Variants in ADAMTS9 observed in about 807,000 individuals in gnomAD.
ADAMTS9 encodes the protein A disintegrin and metalloproteinase with thrombospondin motifs 9.
Under a neutral mutation model 257.1 loss-of-function variants are expected in ADAMTS9, and 107 were observed. That is an observed-to-expected ratio of 0.42 (90% CI 0.36 to 0.49). The LOEUF is 0.49. ADAMTS9 is among the 20% of genes least tolerant of loss of function. ADAMTS9 has a pLI of 0.03. For synonymous variants in ADAMTS9, 982 were observed against 880.9 expected (o/e 1.11, Z -2.03); for missense variants, 2,353 against 2,469.1 (o/e 0.95, Z 1.00).
At chr3:64,522,917 C>T (rs1383431632) in intron 38 of ADAMTS9, among the ~76,000 whole-genome samples, 3 of 152,060 alleles carry the variant, frequency 2.0e-5, no homozygotes, top group African/African-American at 7.2e-5. Context: ...TGAAATGACA[C>T]TATAGCTGTG....
chr3:64,625,285 T>A (rs764609843), intron 16 of ADAMTS9, among the ~76,000 whole-genome samples: 9 of 152,168 alleles, frequency 5.9e-5, no homozygotes, highest in Non-Finnish European at 1.3e-4. Context: ...ACAAGATGTC[T>A]TAGGTATTAG....
At chr3:64,607,172 C>T (rs2084570804) in intron 22 of ADAMTS9, 93 bp from the exon 23 acceptor site, 1 of 1,542,026 alleles carries the variant, frequency 6.5e-7, no homozygotes, top group Non-Finnish European at 8.8e-7. Flanking sequence ...GAAATACTTC[C>T]ATCACAGTAG....
intron 26 of ADAMTS9, among the ~76,000 whole-genome samples, chr3:64,598,477 C>G (rs1233980114): frequency 1.3e-5 from 2 of 151,822 alleles, no homozygotes; most frequent in Non-Finnish European, 2.9e-5. Context: ...ACTACCACAC[C>G]TGGGTAAATT....
rs35667547 is a variant in ADAMTS9, at chr3:64,561,801, G to C, written c.4525-50C>G. The C allele has an allele frequency of 0.18, 169,218 of 923,452 alleles. 12,923 individuals are homozygous for C. The highest frequency in any genetic ancestry group is 0.23 in the Non-Finnish European group (138,636 of 598,872). The allele number at this position is 923,452 out of a possible 1,614,324, so 57.2% of individuals were successfully genotyped here. A position where few individuals can be genotyped will look rare whatever the true frequency, so the allele number is the denominator to read the frequency against. Reference sequence around the variant, plus strand: ...GGAGCTTCGGCTCATTTATTTTTTGGGGGGGCGGGGGGTGTCGAGGGTCAC... The same window carrying C: ...GGAGCTTCGGCTCATTTATTTTTTGCGGGGGCGGGGGGTGTCGAGGGTCAC... On this transcript the variant is annotated intron_variant, in intron 29 of 39. Transcript: ENST00000498707.
chr3:64,678,946 C>T (rs779975107), intron 3 of ADAMTS9, among the ~76,000 whole-genome samples: 5 of 152,100 alleles, frequency 3.3e-5, no homozygotes, highest in African/African-American at 4.8e-5. Flanking sequence ...GATGAAGGAA[C>T]GGCATGCCAT....
chr3:64,545,817 C>T (rs1174035263), intron 32 of ADAMTS9, among the ~76,000 whole-genome samples: 2 of 152,138 alleles, frequency 1.3e-5, no homozygotes, highest in African/African-American at 2.4e-5. Flanking sequence ...AGGCTGGTCT[C>T]GATCTGCTGA....
At chr3:64,589,204 A>C (rs1180696549) in intron 28 of ADAMTS9, 2 of 152,184 alleles carry the variant, frequency 1.3e-5, no homozygotes, top group Admixed American at 6.6e-5. Context: ...AGTTGTTTGA[A>C]GCTTTTGTAA....
At position 64,681,279 on chromosome 3, in the gene ADAMTS9, T is replaced by A. The variant is rs745487784; in HGVS notation, c.601A>T (p.Asn201Tyr). The change falls in exon 3 of 40, where the codon AAC (asparagine) becomes TAC (tyrosine). Residue 201 changes from asparagine (N) to tyrosine (Y), a missense_variant. Physicochemically the swap from Asn to Tyr is moderately radical, Grantham distance 143 (BLOSUM62 -2). Transcript: ENST00000498707. The part of the protein sequence containing the change: ...MDEQEDEEEQ[N>Y]KPHIIYRRSA... ...CGCCTATAAATGATGTGGGGTTTGT[T>A]TTGTTCCTCTTCATCTTCTTGTTCA... 2 of 1,614,090 alleles carry A rather than the reference T, an allele frequency of 1.2e-6. No individual in the cohort carries two copies. The highest frequency in any genetic ancestry group is 3.3e-5 in the Admixed American group (2 of 60,024).
At chr3:64,591,303 G>A (rs1445958335) in intron 28 of ADAMTS9, among the ~76,000 whole-genome samples, 1 of 152,018 alleles carries the variant, frequency 6.6e-6, no homozygotes, top group African/African-American at 2.4e-5. Context: ...AGCCAGGTGT[G>A]GTGGTGGGCA....
At chr3:64,639,315 A>G (rs149419027) in intron 12 of ADAMTS9, among the ~76,000 whole-genome samples, 23 of 63,754 alleles carry the variant, frequency 3.6e-4, no homozygotes, top group African/African-American at 1.4e-3. Flanking sequence ...TTTTTTTTAA[A>G]AAAAAAAAAA....
At position 64,621,166 on chromosome 3, in the gene ADAMTS9, G is replaced by A; in HGVS notation, c.2761C>T (p.Leu921=). The change falls in exon 19 of 40, where the codon CTG becomes TTG. Residue 921 remains leucine (L), a synonymous_variant. Transcript: ENST00000498707. The stretch of plus-strand genomic sequence containing the variant: ...TCAGTAATGTGTCCAGGCTGGGGCA[G>A]CCGATCGCATCTTTGATCAGAAACA... ...LTVSDQRCDR[L]PQPGHITEPC... is the part of the protein sequence containing the mutation. The A allele has an allele frequency of 1.9e-6, 3 of 1,613,936 alleles. No individual in the cohort carries two copies. Among genetic ancestry groups the A allele is most frequent in the Non-Finnish European group, 2.5e-6 (3 of 1,179,922 alleles).
At chr3:64,593,240 A>G (rs903111953) in intron 28 of ADAMTS9, among the ~76,000 whole-genome samples, 1 of 152,174 alleles carries the variant, frequency 6.6e-6, no homozygotes, top group Non-Finnish European at 1.5e-5. Flanking sequence ...ACACGACCCC[A>G]GCCATTGAAA....
intron 26 of ADAMTS9, 95 bp downstream of exon 26, chr3:64,601,849 A>G: frequency 5.6e-6 from 8 of 1,437,030 alleles, no homozygotes; most frequent in Non-Finnish European, 7.4e-6. Context: ...TCCCTTGTAA[A>G]GAAAAAAATA....
intron 6 of ADAMTS9, 144 bp downstream of exon 6, chr3:64,655,432 A>G: frequency 3.0e-6 from 2 of 666,774 alleles, no homozygotes; most frequent in Non-Finnish European, 5.3e-6. Flanking sequence ...CTTGCAATGC[A>G]CAGAAGGAAT....
intron 39 of ADAMTS9, among the ~76,000 whole-genome samples, chr3:64,518,347 G>A (rs2082806375): frequency 6.6e-6 from 1 of 152,130 alleles, no homozygotes; most frequent in Non-Finnish European, 1.5e-5. Flanking sequence ...GGATCTTCAA[G>A]AGCCTTACAC....
At position 64,580,259 on chromosome 3, in the gene ADAMTS9, T is replaced by G. The variant is rs554654010; in HGVS notation, c.4357-11724A>C. Among the ~76,000 whole-genome samples the G allele has an allele frequency of 3.3e-5, 5 of 152,296 alleles. No homozygotes were observed. The South Asian group carries it at 1.0e-3, about 32-fold the overall frequency. Reference sequence around the variant, plus strand: ...GATTCACTCTTCTGTTCCAAAACAATGTGTCTCAGTGATCCTGATCAATTT... The same window carrying G: ...GATTCACTCTTCTGTTCCAAAACAAGGTGTCTCAGTGATCCTGATCAATTT... On this transcript the variant is annotated intron_variant, in intron 28 of 39. Transcript: ENST00000498707.
At chr3:64,579,139 CG>C (rs2083929606) in intron 28 of ADAMTS9, among the ~76,000 whole-genome samples, 6 of 152,158 alleles carry the variant, frequency 3.9e-5, no homozygotes, top group Admixed American at 3.9e-4. Context: ...CCTCCATGTT[CG>C]TCTCCCTCAG....
intron 12 of ADAMTS9, among the ~76,000 whole-genome samples, chr3:64,634,261 TG>T (rs1553712078): frequency 1.3e-5 from 2 of 152,142 alleles, no homozygotes; most frequent in Non-Finnish European, 2.9e-5. Context: ...ATGTTTAAAA[TG>T]TAGAAGGTGA....
intron 28 of ADAMTS9, among the ~76,000 whole-genome samples, chr3:64,576,541 G>C (rs1354052926): frequency 1.3e-5 from 2 of 152,238 alleles, no homozygotes; most frequent in Non-Finnish European, 2.9e-5. Context: ...AACAAGGGCT[G>C]TGACTTCAGG....
Sources: allele counts gnomAD v4.1 joint callset (sites outside exome capture counted in the v4.1 genomes callset), GRCh38; gene constraint gnomAD v4.1.1; transcripts MANE v1.5; gene names NCBI Gene and HGNC (gene_info 2026-07-23, HGNC 2026-07-21).